Variants in L3MBTL4 observed in about 807,000 individuals in gnomAD.
L3MBTL4 encodes the protein L3MBTL histone methyl-lysine binding protein 4.
Under a neutral mutation model 84.5 loss-of-function variants are expected in L3MBTL4, and 70 were observed. The ratio of observed to expected loss-of-function variants is 0.83; its 90% CI spans 0.68 to 1.01. The LOEUF is 1.01. L3MBTL4 is among the 50% of genes least tolerant of loss of function. L3MBTL4 has a pLI of 0.00. For synonymous variants in L3MBTL4, 274 were observed against 259.8 expected, an observed-to-expected ratio of 1.05 and a Z score of -0.52; for missense variants, 715 against 754.8, an observed-to-expected ratio of 0.95 and a Z score of 0.62.
intron 1 of L3MBTL4, among the ~76,000 whole-genome samples, chr18:6,388,140 G>A (rs1404664172): frequency 1.3e-5 from 2 of 152,130 alleles, no homozygotes; most frequent in Non-Finnish European, 2.9e-5. Flanking sequence ...TTTGTTAGGT[G>A]TGATTTTAGA....
At chr18:6,171,658 T>C (rs1336951634) in intron 13 of L3MBTL4, among the ~76,000 whole-genome samples, 170 bp downstream of exon 13, 2 of 152,268 alleles carry the variant, frequency 1.3e-5, no homozygotes, top group African/African-American at 4.8e-5. Context: ...ACATAACGCA[T>C]GCCCTTTGAG....
chr18:6,165,286 A>G (rs558701632), intron 13 of L3MBTL4, among the ~76,000 whole-genome samples: 56 of 152,330 alleles, frequency 3.7e-4, no homozygotes, highest in African/African-American at 1.3e-3. Context: ...AACTTCCCCA[A>G]TCTAGCAAGG....
At chr18:6,296,448 A>T (rs975283558) in intron 4 of L3MBTL4, among the ~76,000 whole-genome samples, 6 of 152,234 alleles carry the variant, frequency 3.9e-5, no homozygotes, top group African/African-American at 1.2e-4. Flanking sequence ...ATTATTTTTT[A>T]AAAAACCAAA....
intron 4 of L3MBTL4, among the ~76,000 whole-genome samples, chr18:6,281,142 TGACAAAA>T (rs1333995160): frequency 3.9e-5 from 6 of 152,192 alleles, no homozygotes; most frequent in African/African-American, 1.4e-4. Flanking sequence ...CTGGGAAAAT[TGACAAAA>T]TAGTCATATT....
intron 13 of L3MBTL4, among the ~76,000 whole-genome samples, chr18:6,167,689 G>A (rs1192465901): frequency 2.0e-5 from 3 of 152,074 alleles, no homozygotes; most frequent in Non-Finnish European, 4.4e-5. Flanking sequence ...AAAATAATAA[G>A]AGCTATCTAT....
At chr18:6,307,697 C>G (rs1451257308) in intron 3 of L3MBTL4, among the ~76,000 whole-genome samples, 2 of 151,988 alleles carry the variant, frequency 1.3e-5, no homozygotes, top group Admixed American at 1.3e-4. Flanking sequence ...CAGCAATAGT[C>G]TAAGATCCTT....
At chr18:6,088,769 C>T (rs2058343149) in intron 15 of L3MBTL4, among the ~76,000 whole-genome samples, 1 of 152,156 alleles carries the variant, frequency 6.6e-6, no homozygotes, top group African/African-American at 2.4e-5. Context: ...ACTTATGTTG[C>T]AGCCAAAATA....
chr18:6,147,975 A>G (rs2144781064), intron 13 of L3MBTL4, among the ~76,000 whole-genome samples: 1 of 152,332 alleles, frequency 6.6e-6, no homozygotes, highest in East Asian at 1.9e-4. Flanking sequence ...ATGACCTCAT[A>G]TTTAAATATG....
chr18:6,235,572 T>C (rs2047184558), intron 10 of L3MBTL4, among the ~76,000 whole-genome samples: 1 of 152,184 alleles, frequency 6.6e-6, no homozygotes, highest in South Asian at 2.1e-4. Context: ...TGAAAGAAGC[T>C]AGATACAAAA....
chr18:6,331,928 T>G (rs1356189936), intron 1 of L3MBTL4, among the ~76,000 whole-genome samples: 1 of 150,714 alleles, frequency 6.6e-6, no homozygotes, highest in Non-Finnish European at 1.5e-5. Context: ...CAACAGTAGA[T>G]TTACAAGGCG....
intron 13 of L3MBTL4, among the ~76,000 whole-genome samples, chr18:6,150,970 G>A (rs950823390): frequency 1.3e-5 from 2 of 152,150 alleles, no homozygotes; most frequent in Non-Finnish European, 2.9e-5. Flanking sequence ...GGACCGCACG[G>A]AGTGCCATCC....
At position 6,118,993 on chromosome 18, in the gene L3MBTL4, CTTTTTTTTT is replaced by C. The variant is rs779523685; in HGVS notation, c.1199+19192_1199+19200del. ...GATTTGGCACAGTTTTTTTTGGTTT[CTTTTTTTTT>C]TTTTTTTTTTTTTTTTGACTAGAAC... On this transcript the variant is annotated intron_variant, in intron 14 of 18. Coordinates refer to ENST00000317931, the MANE Select transcript of L3MBTL4 (RefSeq NM_001330559.2). 1.9e-4 allele frequency among the ~76,000 whole-genome samples: 16 copies of C among 83,698 alleles called. No homozygotes were observed. The East Asian group carries it at 2.1e-3, about 11-fold the overall frequency. The allele number at this position is 83,698 out of a possible 152,430, so 54.9% of individuals were successfully genotyped here.
chr18:6,277,327 C>A (rs1187449542), intron 4 of L3MBTL4, among the ~76,000 whole-genome samples: 5 of 152,128 alleles, frequency 3.3e-5, no homozygotes, highest in Non-Finnish European at 7.4e-5. Flanking sequence ...AGTCTTTAAT[C>A]TATTTGAAAT....
chr18:6,129,366 C>CTGTGTG (rs761956097), intron 14 of L3MBTL4, among the ~76,000 whole-genome samples: 2,286 of 138,998 alleles, frequency 0.016, 31 homozygotes, highest in East Asian at 0.067. Flanking sequence ...CTGGAATTCT[C>CTGTGTG]TCTGTGTGTG....
rs373264363 is a variant in L3MBTL4 at position 6,358,124 on chromosome 18, T to A, written c.-90-46068A>T. Among the ~76,000 whole-genome samples the A allele has an allele frequency of 2.0e-4, 30 of 152,356 alleles. 1 individual carries two copies. The East Asian group carries it at 4.6e-3, about 23-fold the overall frequency. ...CAGCCTTAAAGCAAGTGCTTCACTA[T>A]GCTGGGAGTTAACAACCTCATTTGT... On this transcript the variant is annotated intron_variant, in intron 1 of 18. Transcript: ENST00000317931.
intron 14 of L3MBTL4, among the ~76,000 whole-genome samples, chr18:6,111,623 T>C (rs2059198631): frequency 6.6e-6 from 1 of 152,198 alleles, no homozygotes; most frequent in South Asian, 2.1e-4. Context: ...AAAGGGTGTC[T>C]GCTCAGTCTC....
At chr18:6,241,247 AAC>A (rs1196944849) in intron 8 of L3MBTL4, 109 bp downstream of exon 8, 14 of 693,416 alleles carry the variant, frequency 2.0e-5, no homozygotes, top group Admixed American at 2.7e-5. Context: ...ACAGGAAGTT[AAC>A]AGTTTCCATA....
chr18:6,090,593 T>TACACAC (rs71163260), intron 15 of L3MBTL4, among the ~76,000 whole-genome samples: 14 of 86,778 alleles, frequency 1.6e-4, no homozygotes, highest in African/African-American at 5.8e-4. Context: ...ATTATATATA[T>TACACAC]ACACACACAC....
chr18:6,277,349 C>CG (rs1364692952), intron 4 of L3MBTL4, among the ~76,000 whole-genome samples: 1 of 152,080 alleles, frequency 6.6e-6, no homozygotes, highest in Non-Finnish European at 1.5e-5. Flanking sequence ...TATTTTTACA[C>CG]GGAAAAAGGC....
Sources: gnomAD v4.1 joint callset for allele counts (sites outside exome capture counted in the v4.1 genomes callset) on GRCh38, gnomAD v4.1.1 for gene constraint, MANE v1.5 for transcripts, NCBI Gene and HGNC (gene_info 2026-07-23, HGNC 2026-07-21) for gene names.